Variants in RIMS4 observed in about 807,000 individuals in gnomAD.
RIMS4 encodes regulating synaptic membrane exocytosis 4.
A neutral mutation model predicts 29.0 loss-of-function variants in RIMS4; 9 were observed. The ratio of observed to expected loss-of-function variants is 0.31; its 90% CI spans 0.19 to 0.54. RIMS4 has a LOEUF of 0.54. Among genes scored for constraint, RIMS4 ranks in the 20% least tolerant of loss-of-function variants. The pLI is 0.94. For synonymous variants in RIMS4, 130 were observed against 152.9 expected (o/e 0.85, Z 1.10); for missense variants, 193 against 365.7 (o/e 0.53, Z 3.85).
chr20:44,785,750 CTTTTTTT>C (rs969567189), intron 1 of RIMS4, among the ~76,000 whole-genome samples: 14 of 122,966 alleles, frequency 1.1e-4, no homozygotes, highest in South Asian at 8.1e-4. Flanking sequence ...CATAGGTTTT[CTTTTTTT>C]TTTTTTTTTT....
Position 44,752,839 on chromosome 20 carries a change from G to C in RIMS4, c.*3295C>G, listed in dbSNP as rs2066040236. Reference sequence around the variant, plus strand: ...CTGAAGAGGCTATGGCCCCTTACAAGGGCCCTCCACCCAGGCATCAAGGTC... The same window carrying C: ...CTGAAGAGGCTATGGCCCCTTACAACGGCCCTCCACCCAGGCATCAAGGTC... On this transcript the variant is annotated 3_prime_UTR_variant, in exon 6 of 6. Transcript: ENST00000372851. The C allele has an allele frequency of 6.6e-6, 1 of 152,474 alleles. No homozygotes were observed. The highest frequency in any genetic ancestry group is 1.5e-5 in the Non-Finnish European group (1 of 68,132). The allele number at this position is 152,474 out of a possible 1,614,324, so 9.4% of individuals were successfully genotyped here. A position where few individuals can be genotyped will look rare whatever the true frequency, so the allele number is the denominator to read the frequency against.
chr20:44,789,149 A>T (rs1313093222), intron 1 of RIMS4, among the ~76,000 whole-genome samples: 1 of 152,012 alleles, frequency 6.6e-6, no homozygotes, highest in East Asian at 1.9e-4. Flanking sequence ...GGTAGAAGAA[A>T]AAAAGGGAGA....
intron 1 of RIMS4, among the ~76,000 whole-genome samples, chr20:44,793,073 T>A (rs1051427922): frequency 1.3e-5 from 2 of 152,114 alleles, no homozygotes; most frequent in African/African-American, 4.8e-5. Context: ...GGGAGAGAAG[T>A]GCCTTCCTCT....
intron 2 of RIMS4, among the ~76,000 whole-genome samples, chr20:44,767,481 C>T (rs993570291): frequency 2.6e-5 from 4 of 152,164 alleles, no homozygotes; most frequent in Non-Finnish European, 4.4e-5. Flanking sequence ...CAGCATGAGG[C>T]CCATGGTGTG....
intron 1 of RIMS4, among the ~76,000 whole-genome samples, chr20:44,778,012 T>C (rs1054963718): frequency 6.6e-6 from 1 of 152,244 alleles, no homozygotes; most frequent in Non-Finnish European, 1.5e-5. Context: ...CTGCCTCTTC[T>C]TCCTCCATGG....
rs191198042 is a variant in RIMS4 at position 44,792,515 on chromosome 20, C to T, written c.97+17660G>A. ...CCATGTTGGTCAGGCTGGTCTTGAA[C>T]TCTTGACCTTAGGAGATCCACCCAC... On this transcript the variant is annotated intron_variant, in intron 1 of 5. Coordinates refer to ENST00000372851, the MANE Select transcript of RIMS4 (RefSeq NM_182970.4). 1.7e-3 allele frequency among the ~76,000 whole-genome samples: 262 copies of T among 152,172 alleles called. 1 individual carries two copies. Among genetic ancestry groups the T allele is most frequent in the Middle Eastern group, 0.01 (3 of 294 alleles).
intron 1 of RIMS4, among the ~76,000 whole-genome samples, chr20:44,772,159 C>G (rs1316576383): frequency 6.6e-6 from 1 of 152,048 alleles, no homozygotes; most frequent in Non-Finnish European, 1.5e-5. Context: ...CCCCCATCAG[C>G]CGCCCACTCC....
intron 1 of RIMS4, among the ~76,000 whole-genome samples, chr20:44,786,710 A>G (rs2057891220): frequency 6.6e-6 from 1 of 152,138 alleles, no homozygotes; most frequent in African/African-American, 2.4e-5. Flanking sequence ...TCTCTCACTC[A>G]TCTTTCTATC....
rs2066319132 is a variant in RIMS4 at position 44,810,297 on chromosome 20, G to C, written c.-26C>G. Reference sequence around the variant, plus strand: ...GCCCGCGCCGGCGCCGGGCGCCTCGGCCGCGGCGGCGGCGGCGGCGGCGGG... The same window carrying C: ...GCCCGCGCCGGCGCCGGGCGCCTCGCCCGCGGCGGCGGCGGCGGCGGCGGG... On this transcript the variant is annotated 5_prime_UTR_variant, in exon 1 of 6. Transcript: ENST00000372851. The C allele has an allele frequency of 1.0e-6, 1 of 979,512 alleles. No individual in the cohort carries two copies. The highest frequency in any genetic ancestry group is 1.8e-5 in the African/African-American group (1 of 56,286). 60.7% of individuals were successfully genotyped at this position (979,512 alleles called of 1,614,324 possible). A position where few individuals can be genotyped will look rare whatever the true frequency, so the allele number is the denominator to read the frequency against.
chr20:44,754,866 T>G lies in RIMS4; in HGVS notation c.*1268A>C, dbSNP rs2066051734. 1 of 152,484 alleles carries G rather than the reference T, an allele frequency of 6.6e-6. No individual in the cohort carries two copies. The highest frequency in any genetic ancestry group is 1.5e-5 in the Non-Finnish European group (1 of 68,050). The allele number at this position is 152,484 out of a possible 1,614,324, so 9.4% of individuals were successfully genotyped here. A position where few individuals can be genotyped will look rare whatever the true frequency, so the allele number is the denominator to read the frequency against. On this transcript the variant is annotated 3_prime_UTR_variant, in exon 6 of 6. Transcript: ENST00000372851. ...AAAGAGTGGCAGGCTTCTGGGTGCC[T>G]CCCAGGGGAGGTGGCAGAAATGTGC...
chr20:44,791,187 G>A (rs1489539577), intron 1 of RIMS4, among the ~76,000 whole-genome samples: 4 of 152,236 alleles, frequency 2.6e-5, no homozygotes, highest in Non-Finnish European at 4.4e-5. Flanking sequence ...ACGCGCACGC[G>A]CACACACCCC....
At position 44,809,051 on chromosome 20, in the gene RIMS4, CG is replaced by C. The variant is rs377194332; in HGVS notation, c.97+1123del. ...TTCCCCCATTGAATTCAAAGACTCTCGGATTTTCACCTTATAAAACACTGAA... is the reference window on the plus strand; with the variant it reads ...TTCCCCCATTGAATTCAAAGACTCTCGATTTTCACCTTATAAAACACTGAA... On this transcript the variant is annotated intron_variant, in intron 1 of 5. Coordinates refer to ENST00000372851, the MANE Select transcript of RIMS4 (RefSeq NM_182970.4). Among the ~76,000 whole-genome samples, 740 of 152,264 alleles carry C rather than the reference CG, an allele frequency of 4.9e-3. 5 individuals are homozygous for C. Among genetic ancestry groups the C allele is most frequent in the African/African-American group, 0.017 (718 of 41,530 alleles).
At chr20:44,772,161 G>A (rs543482321) in intron 1 of RIMS4, among the ~76,000 whole-genome samples, 14 of 152,058 alleles carry the variant, frequency 9.2e-5, no homozygotes, top group South Asian at 4.2e-4. Flanking sequence ...CCCATCAGCC[G>A]CCCACTCCTT....
chr20:44,780,833 A>G (rs905291349), intron 1 of RIMS4, among the ~76,000 whole-genome samples: 7 of 152,192 alleles, frequency 4.6e-5, no homozygotes, highest in African/African-American at 1.7e-4. Context: ...GAGAGATCAT[A>G]AAGACACAGA....
Position 44,810,504 on chromosome 20 carries a change from C to CGGCGGT in RIMS4, c.-234_-233insACCGCC, listed in dbSNP as rs1555866053. Among the ~76,000 whole-genome samples, 31 of 144,052 alleles carry CGGCGGT rather than the reference C, an allele frequency of 2.2e-4. No homozygotes were observed. Among genetic ancestry groups the CGGCGGT allele is most frequent in the African/African-American group, 6.7e-4 (27 of 40,102 alleles). 94.5% of individuals were successfully genotyped at this position (144,052 alleles called of 152,430 possible). A position where few individuals can be genotyped will look rare whatever the true frequency, so the allele number is the denominator to read the frequency against. On this transcript the variant is annotated 5_prime_UTR_variant, in exon 1 of 6. Transcript: ENST00000372851. ...CGCGCTGTGCTGCTGGCGGCGGCGG[C>CGGCGGT]GGCGGCGGCGGTGGCGGCGGCGGTG...
intron 1 of RIMS4, among the ~76,000 whole-genome samples, chr20:44,785,852 G>A (rs2066206221): frequency 6.6e-6 from 1 of 151,062 alleles, no homozygotes; most frequent in Non-Finnish European, 1.5e-5. Flanking sequence ...AGGATGCCAT[G>A]ATTGATTGGT....
Position 44,801,674 on chromosome 20 carries a change from T to C in RIMS4, c.97+8501A>G, listed in dbSNP as rs117822976. On this transcript the variant is annotated intron_variant, in intron 1 of 5. Transcript: ENST00000372851. The stretch of plus-strand genomic sequence containing the variant: ...TGCAATGGTCTCATGGCCTGATGCA[T>C]TGCTCATTTTGACTCACTTATCCTT... Among the ~76,000 whole-genome samples, 54 of 152,286 alleles carry C rather than the reference T, an allele frequency of 3.5e-4. 1 individual carries two copies. The East Asian group carries it at 4.1e-3, about 11-fold the overall frequency.
At chr20:44,760,683 G>A (rs560176265) in intron 2 of RIMS4, among the ~76,000 whole-genome samples, 5 of 152,024 alleles carry the variant, frequency 3.3e-5, no homozygotes, top group Non-Finnish European at 5.9e-5. Context: ...TATGGCCGGC[G>A]TCCATTTGAT....
intron 1 of RIMS4, among the ~76,000 whole-genome samples, chr20:44,789,185 G>A (rs1457452990): frequency 3.9e-5 from 6 of 152,072 alleles, no homozygotes; most frequent in Non-Finnish European, 1.5e-5. Flanking sequence ...GGGTCTGTCT[G>A]AATTTAAAAT....
Sources: gnomAD v4.1 joint callset for allele counts (sites outside exome capture counted in the v4.1 genomes callset) on GRCh38, gnomAD v4.1.1 for gene constraint, MANE v1.5 for transcripts, NCBI Gene and HGNC (gene_info 2026-07-23, HGNC 2026-07-21) for gene names.